The following ELMO1 variants were observed in gnomAD, a reference collection of about 807,000 sequenced individuals.
ELMO1 encodes engulfment and cell motility protein 1.
ELMO1 carries 26 observed loss-of-function variants against 98.9 expected under a neutral mutation model. The ratio of observed to expected loss-of-function variants is 0.26; its 90% CI spans 0.19 to 0.36. ELMO1 has a LOEUF of 0.36. Among genes scored for constraint, ELMO1 ranks in the 10% least tolerant of loss-of-function variants. The probability of loss-of-function intolerance (pLI) is 1.00; values close to 1 mark genes in which losing one functional copy is unlikely to be tolerated. For synonymous variants in ELMO1, 346 were observed against 346.0 expected (o/e 1.00, Z 0.00); for missense variants, 627 against 935.2 (o/e 0.67, Z 4.30).
chr7:37,229,126 T>C (rs550113658), intron 8 of ELMO1, among the ~76,000 whole-genome samples: 1 of 152,044 alleles, frequency 6.6e-6, no homozygotes, highest in African/African-American at 2.4e-5. Context: ...TAAAGCAAAA[T>C]GGTGGGATGT....
At chr7:37,150,279 T>C (rs1186598704) in intron 13 of ELMO1, among the ~76,000 whole-genome samples, 1 of 1,756 alleles carries the variant, frequency 5.7e-4, no homozygotes, top group Non-Finnish European at 4.9e-3. Context: ...GCGGAATTCT[T>C]TTTTTTTTTT....
At chr7:37,133,886 A>G (rs1045404819) in intron 13 of ELMO1, among the ~76,000 whole-genome samples, 2 of 152,218 alleles carry the variant, frequency 1.3e-5, no homozygotes, top group African/African-American at 4.8e-5. Flanking sequence ...AGATTAAATA[A>G]TAGCTACAGA....
intron 16 of ELMO1, among the ~76,000 whole-genome samples, chr7:36,910,072 G>A (rs556165834): frequency 3.3e-5 from 5 of 152,304 alleles, no homozygotes; most frequent in African/African-American, 1.2e-4. Flanking sequence ...GAAAGTAGGG[G>A]TGAGGGAGGC....
intron 1 of ELMO1, among the ~76,000 whole-genome samples, chr7:37,389,999 C>G (rs575926439): frequency 6.6e-6 from 1 of 152,164 alleles, no homozygotes; most frequent in African/African-American, 2.4e-5. Context: ...GATTCTCTAG[C>G]GCTTTCATCC....
chr7:37,332,424 G>A (rs1194998752), intron 2 of ELMO1, among the ~76,000 whole-genome samples: 1 of 152,230 alleles, frequency 6.6e-6, no homozygotes, highest in Non-Finnish European at 1.5e-5. Flanking sequence ...AGAGCATCAC[G>A]TAGTGATTAC....
intron 1 of ELMO1, among the ~76,000 whole-genome samples, chr7:37,436,152 A>G (rs1296222563): frequency 6.6e-6 from 1 of 152,206 alleles, no homozygotes; most frequent in African/African-American, 2.4e-5. Flanking sequence ...GTAAGAACAT[A>G]ACTCTCCAGT....
At chr7:36,922,189 T>C (rs1283624450) in intron 16 of ELMO1, among the ~76,000 whole-genome samples, 2 of 152,158 alleles carry the variant, frequency 1.3e-5, no homozygotes. Context: ...AATGACGCTA[T>C]TTTTGAAAGC....
intron 16 of ELMO1, among the ~76,000 whole-genome samples, chr7:36,994,563 G>C (rs1792078815): frequency 6.6e-6 from 1 of 152,192 alleles, no homozygotes; most frequent in Admixed American, 6.5e-5. Flanking sequence ...CAGCCATGGG[G>C]ATGAGGATAT....
At chr7:36,990,581 C>T (rs919116775) in intron 16 of ELMO1, among the ~76,000 whole-genome samples, 6 of 152,060 alleles carry the variant, frequency 3.9e-5, no homozygotes, top group Non-Finnish European at 5.9e-5. Flanking sequence ...TTCGCTCACA[C>T]GTTCAACCTG....
chr7:36,897,336 G>GTGTGTGTGTGTGTCTGTGTGTA (rs1554351191), intron 16 of ELMO1, among the ~76,000 whole-genome samples: 1 of 148,212 alleles, frequency 6.7e-6, no homozygotes. Context: ...GTGTGTGTGT[G>GTGTGTGTGTGTGTCTGTGTGTA]TGTGTGTGTG....
At chr7:36,952,899 G>C (rs556807183) in intron 16 of ELMO1, among the ~76,000 whole-genome samples, 2 of 150,730 alleles carry the variant, frequency 1.3e-5, no homozygotes, top group South Asian at 4.2e-4. Flanking sequence ...CCACTGGAGA[G>C]TGAAAGACTC....
At chr7:37,424,472 T>C (rs767977863) in intron 1 of ELMO1, among the ~76,000 whole-genome samples, 9 of 152,210 alleles carry the variant, frequency 5.9e-5, no homozygotes, top group Non-Finnish European at 1.3e-4. Context: ...AGGTATGAGC[T>C]GATAAGATTC....
chr7:37,135,828 T>C (rs1787231901), intron 13 of ELMO1, among the ~76,000 whole-genome samples: 1 of 152,106 alleles, frequency 6.6e-6, no homozygotes, highest in African/African-American at 2.4e-5. Context: ...TTCTTTAATA[T>C]CTCAAAAGAT....
At chr7:37,320,097 T>C (rs1799401965) in intron 2 of ELMO1, among the ~76,000 whole-genome samples, 1 of 151,696 alleles carries the variant, frequency 6.6e-6, no homozygotes, top group Non-Finnish European at 1.5e-5. Flanking sequence ...TCTACTAAAA[T>C]ACAAAAAAAA....
At chr7:37,157,640 T>C (rs1212478663) in intron 13 of ELMO1, among the ~76,000 whole-genome samples, 1 of 152,128 alleles carries the variant, frequency 6.6e-6, no homozygotes, top group South Asian at 2.1e-4. Context: ...TACAAACTAC[T>C]GCTCAACAAA....
At chr7:37,257,537 ACATGGT>A (rs1795738104) in intron 6 of ELMO1, among the ~76,000 whole-genome samples, 1 of 150,808 alleles carries the variant, frequency 6.6e-6, no homozygotes, top group African/African-American at 2.5e-5. Context: ...ATCCTGGCTG[ACATGGT>A]GAAACCCTGT....
At chr7:36,961,030 G>A (rs10252589) in intron 16 of ELMO1, among the ~76,000 whole-genome samples, 3,107 of 152,056 alleles carry the variant, frequency 0.02, 117 homozygotes, top group African/African-American at 0.071. Context: ...ACCATCCCAC[G>A]TGTGTCTGTG....
chr7:36,861,599 T>C (rs1243212977), intron 21 of ELMO1, 60 bp downstream of exon 21: 15 of 1,552,944 alleles, frequency 9.7e-6, no homozygotes, highest in African/African-American at 2.8e-5. Context: ...AATTTCTTTC[T>C]ATATTTTTCT....
chr7:37,049,211 G>A (rs541142509), intron 15 of ELMO1, among the ~76,000 whole-genome samples: 1 of 152,236 alleles, frequency 6.6e-6, no homozygotes, highest in African/African-American at 2.4e-5. Flanking sequence ...GCACTGAGTC[G>A]GGTGTGGGGA....
Sources: allele counts gnomAD v4.1 joint callset (sites outside exome capture counted in the v4.1 genomes callset), GRCh38; gene constraint gnomAD v4.1.1; transcripts MANE v1.5; gene names NCBI Gene and HGNC (gene_info 2026-07-23, HGNC 2026-07-21).